The following LRIG1 variants were observed in gnomAD, a reference collection of about 807,000 sequenced individuals.
LRIG1 encodes leucine rich repeats and immunoglobulin like domains 1.
In LRIG1, 48 loss-of-function variants were observed where a neutral mutation model predicts 99.2. The observed-to-expected ratio is 0.48, with a 90% CI of 0.38 to 0.62. The LOEUF (loss-of-function observed/expected upper bound fraction) is 0.62. Ranked by LOEUF, LRIG1 falls within the 20% of genes least tolerant of loss-of-function variation. LRIG1 has a pLI of 0.00. For synonymous variants in LRIG1, 772 were observed against 596.1 expected (o/e 1.29, Z -4.30); for missense variants, 1,646 against 1,434.4 (o/e 1.15, Z -2.38).
At chr3:66,472,678 G>T (rs1243223685) in intron 1 of LRIG1, among the ~76,000 whole-genome samples, 1 of 152,126 alleles carries the variant, frequency 6.6e-6, no homozygotes, top group African/African-American at 2.4e-5. Context: ...GGATTTCACT[G>T]GGATAAAGTG....
At chr3:66,406,456 G>C (rs566605111) in intron 8 of LRIG1, 2 of 982,406 alleles carry the variant, frequency 2.0e-6, no homozygotes, top group Non-Finnish European at 2.4e-6. Flanking sequence ...GCTTGGCTCC[G>C]GCCTCTTTCA....
chr3:66,494,337 G>A (rs539568363), intron 1 of LRIG1, among the ~76,000 whole-genome samples: 2 of 152,116 alleles, frequency 1.3e-5, no homozygotes, highest in African/African-American at 2.4e-5. Flanking sequence ...CCTTAATGAC[G>A]AGTGTGAGTT....
At position 66,383,052 on chromosome 3, in the gene LRIG1, C is replaced by A; in HGVS notation, c.2421G>T (p.Thr807=). The change falls in exon 15 of 19, where the codon ACG becomes ACT. Residue 807 remains threonine (T), a synonymous_variant. Transcript: ENST00000273261. ...AGATGATGCACACCCAGACCAGTGACGTCAGGACGATGCTGCTCACGACAG... is the reference window on the plus strand; with the variant it reads ...AGATGATGCACACCCAGACCAGTGAAGTCAGGACGATGCTGCTCACGACAG... ...TIAVVSSIVL[T]SLVWVCIIYQ... The A allele has an allele frequency of 6.2e-7, 1 of 1,614,234 alleles. No individual in the cohort carries two copies. Among genetic ancestry groups the A allele is most frequent in the South Asian group, 1.1e-5 (1 of 91,088 alleles).
At chr3:66,459,133 G>A (rs879612511) in intron 2 of LRIG1, among the ~76,000 whole-genome samples, 2 of 152,172 alleles carry the variant, frequency 1.3e-5, no homozygotes, top group East Asian at 1.9e-4. Flanking sequence ...GTTCCTAAGT[G>A]AGAAATATAT....
At chr3:66,382,586 C>A (rs7642319) in intron 15 of LRIG1, among the ~76,000 whole-genome samples, 188 bp from the exon 16 acceptor site, 1 of 152,012 alleles carries the variant, frequency 6.6e-6, no homozygotes, top group Non-Finnish European at 1.5e-5. Flanking sequence ...CTACACCCAG[C>A]GTGAAGAGCG....
Position 66,394,075 on chromosome 3 carries a change from C to A in LRIG1, c.1433G>T (p.Ser478Ile), listed in dbSNP as rs754505323. Residue 478 changes from serine to isoleucine, a missense_variant, in exon 12 of 19, where the codon AGC becomes ATC. Ser to Ile is a moderately radical substitution (Grantham distance 142). Transcript: ENST00000273261. Reference sequence around the variant, plus strand: ...ACTCTCTGGTGGCACAGAGAAAATGCTCTGACCCTTCAGTGATTCTGGGTG... The same window carrying A: ...ACTCTCTGGTGGCACAGAGAAAATGATCTGACCCTTCAGTGATTCTGGGTG... ...CAHPESLKGQSIFSVPPESFV... is the reference protein window; with the variant it reads ...CAHPESLKGQIIFSVPPESFV... The A allele has an allele frequency of 6.2e-7, 1 of 1,614,128 alleles. No individual in the cohort carries two copies. The highest frequency in any genetic ancestry group is 1.7e-5 in the Admixed American group (1 of 60,024).
chr3:66,476,474 A>T (rs534835362), intron 1 of LRIG1, among the ~76,000 whole-genome samples: 1 of 152,336 alleles, frequency 6.6e-6, no homozygotes, highest in East Asian at 1.9e-4. Context: ...GAGGTCCAAG[A>T]GACCTCTGAA....
chr3:66,381,434 T>G (rs750601486), intron 17 of LRIG1, 45 bp downstream of exon 17: 2 of 1,591,320 alleles, frequency 1.3e-6, no homozygotes, highest in East Asian at 2.3e-5. Context: ...CAGCCCAAAT[T>G]TCCATTTCAG....
intron 1 of LRIG1, among the ~76,000 whole-genome samples, chr3:66,493,645 G>C (rs986629739): frequency 6.6e-6 from 1 of 152,118 alleles, no homozygotes; most frequent in Admixed American, 6.5e-5. Flanking sequence ...AATCTGGCTT[G>C]GAAGCTGGGT....
chr3:66,459,728 G>C (rs2106831349), intron 2 of LRIG1, among the ~76,000 whole-genome samples: 1 of 152,270 alleles, frequency 6.6e-6, no homozygotes, highest in East Asian at 1.9e-4. Flanking sequence ...GCTGGAATTG[G>C]GTAGGGAGGG....
In LRIG1 at chr3:66,380,741, C is replaced by G. The variant is rs202090691; in HGVS notation, c.2891G>C (p.Gly964Ala). ...TTGGTCACTCCCACCCGGCTCCGGG[C>G]CATTTGGCGCACTTGGCTGTGCGCT... ...RDSAQPSAPN[G>A]PEPGGSDQEH... Residue 964 changes from glycine to alanine, a missense_variant, in exon 18 of 19, where the codon GGC becomes GCC. Transcript: ENST00000273261. The G allele has an allele frequency of 3.1e-5, 50 of 1,614,104 alleles. No homozygotes were observed. Among genetic ancestry groups the G allele is most frequent in the Middle Eastern group, 3.3e-4 (2 of 6,084 alleles).
At chr3:66,485,978 C>T (rs568135987) in intron 1 of LRIG1, among the ~76,000 whole-genome samples, 5 of 152,204 alleles carry the variant, frequency 3.3e-5, no homozygotes, top group Admixed American at 6.5e-5. Context: ...CTAGTCTTAC[C>T]GTATTTTCTT....
chr3:66,413,284 A>G (rs561901783), intron 5 of LRIG1, among the ~76,000 whole-genome samples: 35 of 152,356 alleles, frequency 2.3e-4, no homozygotes, highest in African/African-American at 7.7e-4. Context: ...ACAGCTGCAC[A>G]GAAGAGAACG....
rs574934914 is a variant in LRIG1, at chr3:66,378,886, A to G, written c.*1377T>C. On this transcript the variant is annotated 3_prime_UTR_variant, in exon 19 of 19. Coordinates refer to ENST00000273261, the MANE Select transcript of LRIG1 (RefSeq NM_015541.3). The stretch of plus-strand genomic sequence containing the variant: ...TTACATGGTTTTCAATGTACACTGT[A>G]CCAAAATTTCTATAAATAAATAACT... 6.5e-6 allele frequency: 1 copy of G among 152,806 alleles called. No individual in the cohort carries two copies. The highest frequency in any genetic ancestry group is 1.9e-4 in the East Asian group (1 of 5,192). The allele number at this position is 152,806 out of a possible 1,614,324, so 9.5% of individuals were successfully genotyped here.
intron 1 of LRIG1, among the ~76,000 whole-genome samples, chr3:66,488,528 T>C (rs1302810353): frequency 6.6e-6 from 1 of 151,422 alleles, no homozygotes; most frequent in Non-Finnish European, 1.5e-5. Context: ...TCCCAGCTCT[T>C]TGGGAGGCTG....
rs1700984516 is a variant in LRIG1 at position 66,380,585 on chromosome 3, T to G, written c.3047A>C (p.Asp1016Ala). 6.2e-7 allele frequency: 1 copy of G among 1,613,670 alleles called. No individual in the cohort carries two copies. The highest frequency in any genetic ancestry group is 1.1e-5 in the South Asian group (1 of 91,082). Reference protein sequence around the residue: ...AVKKKPMASLDGKGDSSWTLA... With the variant: ...AVKKKPMASLAGKGDSSWTLA... ...AGACAGTCAAAAGTTACCTTTCCCA[T>G]CTAGAGATGCCATTGGCTTTTTCTT... Residue 1016 changes from aspartate (D) to alanine (A), a missense_variant, in exon 18 of 19, where the codon GAT becomes GCT. Physicochemically the swap from Asp to Ala is moderately radical, Grantham distance 126. Coordinates refer to ENST00000273261, the MANE Select transcript of LRIG1 (RefSeq NM_015541.3).
chr3:66,416,684 C>T (rs761023479), intron 4 of LRIG1, among the ~76,000 whole-genome samples: 4 of 152,270 alleles, frequency 2.6e-5, no homozygotes, highest in African/African-American at 4.8e-5. Context: ...TTTTACAGTG[C>T]ATGACACTAG....
chr3:66,498,377 C>A (rs540349040), intron 1 of LRIG1: 1 of 152,188 alleles, frequency 6.6e-6, no homozygotes, highest in South Asian at 2.1e-4. Flanking sequence ...AATTAAAGGG[C>A]AAGGCAAAGT....
At chr3:66,478,690 C>A (rs1181815614) in intron 1 of LRIG1, among the ~76,000 whole-genome samples, 1 of 152,158 alleles carries the variant, frequency 6.6e-6, no homozygotes, top group East Asian at 1.9e-4. Flanking sequence ...AGCCCGCTGA[C>A]CATCTCCCTA....
Sources: allele counts gnomAD v4.1 joint callset (sites outside exome capture counted in the v4.1 genomes callset), GRCh38; gene constraint gnomAD v4.1.1; transcripts MANE v1.5; gene names NCBI Gene and HGNC (gene_info 2026-07-23, HGNC 2026-07-21).